Variants in PCDH19 observed in about 807,000 individuals in gnomAD.
The protein encoded by PCDH19 is protocadherin 19.
Under a neutral mutation model 46.2 loss-of-function variants are expected in PCDH19, and 6 were observed. The observed-to-expected ratio is 0.13, with a 90% confidence interval of 0.07 to 0.26. The LOEUF (loss-of-function observed/expected upper bound fraction) is 0.26, where lower values mean the gene tolerates loss of function less well. PCDH19 is among the 10% of genes least tolerant of loss of function. PCDH19 has a pLI of 1.00. For missense variants in PCDH19, 740 were observed against 972.3 expected (o/e 0.76, Z 3.18); for synonymous variants, 481 against 415.7 (o/e 1.16, Z -1.91).
rs1481449305 is a variant in PCDH19 at position 100,407,210 on chromosome X, T to C, written c.1388A>G (p.Gln463Arg). 2.5e-6 allele frequency: 3 copies of C among 1,211,756 alleles called. No homozygotes were observed. Among genetic ancestry groups the C allele is most frequent in the Non-Finnish European group, 3.4e-6 (3 of 895,507 alleles). The change falls in exon 1 of 6, where the codon CAG becomes CGG. Residue 463 changes from glutamine (Q) to arginine (R), a missense_variant. Physicochemically the swap from Gln to Arg is conservative, Grantham distance 43. Transcript: ENST00000373034. ...FSKPYYQVIV[Q>R]ENNTPGAYLL... ...ATAGGCGCCAGGCGTGTTGTTCTCC[T>C]GCACAATGACCTGGTAGTAGGGCTT...
intron 5 of PCDH19, among the ~76,000 whole-genome samples, chrX:100,336,823 G>A (rs1245593664): frequency 1.8e-5 from 2 of 111,704 alleles, no homozygotes; most frequent in Non-Finnish European, 3.8e-5. Flanking sequence ...TAAGGAAAGA[G>A]GGACTGAGTG....
intron 5 of PCDH19, among the ~76,000 whole-genome samples, chrX:100,308,113 G>A (rs1039798290): frequency 4.5e-5 from 5 of 111,073 alleles, no homozygotes; most frequent in Non-Finnish European, 9.5e-5. Context: ...GAACAAATCT[G>A]GAAACTTCAG....
chrX:100,379,399 T>C (rs1440237238), intron 3 of PCDH19, among the ~76,000 whole-genome samples: 3 of 110,531 alleles, frequency 2.7e-5, no homozygotes, highest in Non-Finnish European at 3.8e-5. Flanking sequence ...ATCTAGACAG[T>C]AGCTTTTGCC....
intron 5 of PCDH19, among the ~76,000 whole-genome samples, chrX:100,301,275 T>C (rs1305246612): frequency 8.9e-6 from 1 of 112,007 alleles, no homozygotes; most frequent in African/African-American, 3.2e-5. Context: ...TGGGTTTGTA[T>C]AGATATCCAG....
intron 3 of PCDH19, among the ~76,000 whole-genome samples, chrX:100,375,128 T>G (rs1245040711): frequency 1.8e-5 from 2 of 111,640 alleles, no homozygotes. Flanking sequence ...TTTTTCTTAT[T>G]TTTTTATTAT....
intron 3 of PCDH19, among the ~76,000 whole-genome samples, chrX:100,353,597 G>A (rs1484117342): frequency 9.0e-6 from 1 of 111,650 alleles, no homozygotes; most frequent in Non-Finnish European, 1.9e-5. Flanking sequence ...GTTGAGAAGA[G>A]ACAAGTCTCG....
chrX:100,318,138 T>G (rs1375066401), intron 5 of PCDH19, among the ~76,000 whole-genome samples: 1 of 111,917 alleles, frequency 8.9e-6, no homozygotes, highest in Non-Finnish European at 1.9e-5. Context: ...CCAGAGGCAG[T>G]GCAGCAGAGT....
chrX:100,409,480 T>A lies in PCDH19; in HGVS notation c.-883A>T, dbSNP rs1928525489. On this transcript the variant is annotated 5_prime_UTR_variant, in exon 1 of 6. Transcript: ENST00000373034. ...TCTGCGGGCGTTTTCGTCTAGGAAA[T>A]CAAAGTTAACAACGCAGTCCGACCC... 8.6e-6 allele frequency: 1 copy of A among 116,489 alleles called. No homozygotes were observed. The highest frequency in any genetic ancestry group is 1.8e-5 in the Non-Finnish European group (1 of 56,692). The allele number at this position is 116,489 out of a possible 1,213,427, so 9.6% of individuals were successfully genotyped here. A position where few individuals can be genotyped will look rare whatever the true frequency, so the allele number is the denominator to read the frequency against.
chrX:100,332,601 A>T (rs894680081), intron 5 of PCDH19, among the ~76,000 whole-genome samples: 5 of 111,841 alleles, frequency 4.5e-5, no homozygotes, highest in Non-Finnish European at 9.4e-5. Flanking sequence ...TAACAAAAGG[A>T]TTAAGAGGAA....
chrX:100,402,887 C>T (rs914444447), intron 2 of PCDH19, 36 bp from the exon 3 acceptor site: 1 of 1,078,259 alleles, frequency 9.3e-7, no homozygotes, highest in African/African-American at 1.8e-5. Context: ...ATCACTAACA[C>T]CCTCCCAAAT....
intron 5 of PCDH19, among the ~76,000 whole-genome samples, chrX:100,329,543 T>C (rs977954024): frequency 8.9e-6 from 1 of 112,034 alleles, no homozygotes; most frequent in Non-Finnish European, 1.9e-5. Context: ...GTGCATCAGT[T>C]TTTCTTCTAA....
chrX:100,322,964 T>C (rs1448936345), intron 5 of PCDH19, among the ~76,000 whole-genome samples: 1 of 105,165 alleles, frequency 9.5e-6, no homozygotes, highest in African/African-American at 3.5e-5. Flanking sequence ...TAAATTAATC[T>C]TGTATCCGGA....
intron 5 of PCDH19, among the ~76,000 whole-genome samples, chrX:100,312,104 T>TGAGA (rs5903157): frequency 0.32 from 33,047 of 103,393 alleles, 5,171 homozygotes; most frequent in East Asian, 0.64. Flanking sequence ...CCTAAAACAT[T>TGAGA]GAGAGAGAGA....
intron 5 of PCDH19, among the ~76,000 whole-genome samples, chrX:100,335,757 C>T (rs1466999617): frequency 8.9e-6 from 1 of 111,748 alleles, no homozygotes; most frequent in East Asian, 2.8e-4. Context: ...GAGCCAGGCA[C>T]ATAGTGGGCA....
In PCDH19 at chrX:100,408,676, G is replaced by A; in HGVS notation, c.-79C>T. On this transcript the variant is annotated 5_prime_UTR_variant, in exon 1 of 6. Transcript: ENST00000373034. ...GCCGTCGGCGCTCCAGCTTCCCGCC[G>A]GCTCGGGCCGCCTGTTGCGCGCGCC... The A allele has an allele frequency of 1.1e-6, 1 of 901,907 alleles. No individual in the cohort carries two copies. The highest frequency in any genetic ancestry group is 2.0e-5 in the African/African-American group (1 of 51,110). The allele number at this position is 901,907 out of a possible 1,213,427, so 74.3% of individuals were successfully genotyped here. A position where few individuals can be genotyped will look rare whatever the true frequency, so the allele number is the denominator to read the frequency against.
chrX:100,378,958 A>G (rs954910153), intron 3 of PCDH19, among the ~76,000 whole-genome samples: 1 of 111,351 alleles, frequency 9.0e-6, no homozygotes, highest in Admixed American at 9.6e-5. Context: ...ACAAACATGG[A>G]TCACTCTCTG....
chrX:100,393,560 C>A (rs1043987852), intron 3 of PCDH19, among the ~76,000 whole-genome samples: 1 of 107,218 alleles, frequency 9.3e-6, no homozygotes, highest in Non-Finnish European at 1.9e-5. Flanking sequence ...AGGGATCTGG[C>A]CTTTGGATTG....
chrX:100,373,762 T>G (rs1240914257), intron 3 of PCDH19, among the ~76,000 whole-genome samples: 1 of 111,426 alleles, frequency 9.0e-6, no homozygotes, highest in African/African-American at 3.3e-5. Flanking sequence ...GAAAAAAAAA[T>G]TATACAATGA....
chrX:100,397,416 C>T (rs1928056625), intron 3 of PCDH19, among the ~76,000 whole-genome samples: 1 of 111,359 alleles, frequency 9.0e-6, no homozygotes, highest in Non-Finnish European at 1.9e-5. Flanking sequence ...GCACACACAC[C>T]CCTTAGATGC....
Sources: gnomAD v4.1 joint callset for allele counts (sites outside exome capture counted in the v4.1 genomes callset) on GRCh38, gnomAD v4.1.1 for gene constraint, MANE v1.5 for transcripts, NCBI Gene and HGNC (gene_info 2026-07-23, HGNC 2026-07-21) for gene names.